ZNF233: variants seen among roughly 807,000 people sequenced by gnomAD.
The protein encoded by ZNF233 is zinc finger protein 233.
ZNF233 carries 7 observed loss-of-function variants against 11.6 expected under a neutral mutation model. The ratio of observed to expected loss-of-function variants is 0.60; its 90% confidence interval spans 0.34 to 1.13. ZNF233 has a LOEUF of 1.13. ZNF233 is among the 50% of genes most tolerant of loss of function. The pLI is 0.03. For synonymous variants in ZNF233, 226 were observed against 268.5 expected, an observed-to-expected ratio of 0.84 and a Z score of 1.55; for missense variants, 711 against 785.5, an observed-to-expected ratio of 0.91 and a Z score of 1.13.
chr19:44,269,680 C>T (rs1033333234), intron 4 of ZNF233, among the ~76,000 whole-genome samples: 3 of 151,958 alleles, frequency 2.0e-5, no homozygotes, highest in African/African-American at 7.3e-5. Context: ...TGTATAGCTC[C>T]CTAAATTTTC....
At chr19:44,263,978 G>A (rs1455983346) in intron 1 of ZNF233, among the ~76,000 whole-genome samples, 2 of 152,184 alleles carry the variant, frequency 1.3e-5, no homozygotes, top group Admixed American at 1.3e-4. Context: ...AGGTTAATTA[G>A]CTTAAACAGA....
At chr19:44,267,000 C>A in intron 4 of ZNF233, 39 bp downstream of exon 4, 1 of 1,510,148 alleles carries the variant, frequency 6.6e-7, no homozygotes, top group Non-Finnish European at 9.1e-7. Flanking sequence ...CGGGGTACAG[C>A]CTAGTCCTCT....
Position 44,273,208 on chromosome 19 carries a change from G to A in ZNF233, c.548G>A (p.Trp183Ter), listed in dbSNP as rs144014948. Residue 183 changes from tryptophan (W) to a stop codon, truncating the protein, a stop_gained, in exon 5 of 5, where the codon TGG becomes TAG. Coordinates refer to ENST00000683810, the MANE Select transcript of ZNF233 (RefSeq NM_001207005.2). LOFTEE classifies it low-confidence loss of function (END_TRUNC). ...ELPLRTTWDF[W>*]RKMYLREPQN... Reference sequence around the variant, plus strand: ...CCATTGAGGACCACCTGGGATTTCTGGAGGAAAATGTATCTGAGAGAACCA... The same window carrying A: ...CCATTGAGGACCACCTGGGATTTCTAGAGGAAAATGTATCTGAGAGAACCA... 2,058 of 1,613,734 alleles carry A rather than the reference G, an allele frequency of 1.3e-3. 2 individuals carry two copies. Among genetic ancestry groups the A allele is most frequent in the Non-Finnish European group, 1.6e-3 (1,939 of 1,180,026 alleles).
chr19:44,266,233 C>T lies in ZNF233; in HGVS notation c.51C>T (p.Phe17=), dbSNP rs1975079035. 5.6e-6 allele frequency: 9 copies of T among 1,612,384 alleles called. No homozygotes were observed. In the East Asian group the frequency reaches 2.0e-4, roughly 36 times the overall value. The change falls in exon 3 of 5, where the codon TTC becomes TTT. Residue 17 remains phenylalanine (F), a synonymous_variant. Transcript: ENST00000683810. The part of the protein sequence containing the change: ...MVTFKDVAVV[F]TREELGLLDL... Reference sequence around the variant, plus strand: ...CATTCAAGGATGTGGCTGTGGTCTTCACCAGGGAGGAGCTGGGGTTGCTGG... The same window carrying T: ...CATTCAAGGATGTGGCTGTGGTCTTTACCAGGGAGGAGCTGGGGTTGCTGG...
Position 44,273,847 on chromosome 19 carries a change from G to C in ZNF233, c.1187G>C (p.Arg396Thr). 1 of 1,614,136 alleles carries C rather than the reference G, an allele frequency of 6.2e-7. No individual in the cohort carries two copies. The highest frequency in any genetic ancestry group is 8.5e-7 in the Non-Finnish European group (1 of 1,180,026). Residue 396 changes from arginine (R) to threonine (T), a missense_variant, in exon 5 of 5, where the codon AGA becomes ACA. Coordinates refer to ENST00000683810, the MANE Select transcript of ZNF233 (RefSeq NM_001207005.2). ...DIHCVDSAGERACKCDVYDKG... is the reference protein window; with the variant it reads ...DIHCVDSAGETACKCDVYDKG... The stretch of plus-strand genomic sequence containing the variant: ...CACTGTGTAGACAGTGCTGGAGAGA[G>C]AGCCTGTAAATGTGATGTATATGAT...
At chr19:44,263,736 G>T (rs1409129264) in intron 1 of ZNF233, among the ~76,000 whole-genome samples, 1 of 152,136 alleles carries the variant, frequency 6.6e-6, no homozygotes, top group Non-Finnish European at 1.5e-5. Flanking sequence ...ATAAGATAAA[G>T]CATTGTACAG....
intron 1 of ZNF233, 114 bp downstream of exon 1, chr19:44,260,052 C>T: frequency 2.7e-6 from 1 of 365,098 alleles, no homozygotes; most frequent in East Asian, 9.5e-5. Context: ...GCGGGGACGA[C>T]GGTTTGCTTG....
At chr19:44,263,321 T>C (rs146357716) in intron 1 of ZNF233, among the ~76,000 whole-genome samples, 1 of 152,242 alleles carries the variant, frequency 6.6e-6, no homozygotes, top group Non-Finnish European at 1.5e-5. Context: ...GCCATCACTC[T>C]TTACTATCTC....
chr19:44,269,916 C>T lies in ZNF233; in HGVS notation c.238+2955C>T, dbSNP rs748185728. 9.2e-5 allele frequency among the ~76,000 whole-genome samples: 14 copies of T among 152,148 alleles called. 1 individual carries two copies. Among genetic ancestry groups the T allele is most frequent in the Non-Finnish European group, 2.1e-4 (14 of 68,040 alleles). On this transcript the variant is annotated intron_variant, in intron 4 of 4. Coordinates refer to ENST00000683810, the MANE Select transcript of ZNF233 (RefSeq NM_001207005.2). Reference sequence around the variant, plus strand: ...GTTTCACATTCTGCTTATCCACCTACGTACCCAGCTCCACCTATACAAAAT... The same window carrying T: ...GTTTCACATTCTGCTTATCCACCTATGTACCCAGCTCCACCTATACAAAAT...
Position 44,273,153 on chromosome 19 carries a change from A to G in ZNF233, c.493A>G (p.Ser165Gly). Residue 165 changes from serine to glycine, a missense_variant, in exon 5 of 5, where the codon AGT becomes GGT. Coordinates refer to ENST00000683810, the MANE Select transcript of ZNF233 (RefSeq NM_001207005.2). Reference protein sequence around the residue: ...ENYVIKLQGESSNSIKNQELP... With the variant: ...ENYVIKLQGEGSNSIKNQELP... The stretch of plus-strand genomic sequence containing the variant: ...CTATGTAATAAAGCTACAAGGGGAG[A>G]GTTCAAATAGCATAAAAAATCAAGA... 1 of 1,613,952 alleles carries G rather than the reference A, an allele frequency of 6.2e-7. No homozygotes were observed. The highest frequency in any genetic ancestry group is 8.5e-7 in the Non-Finnish European group (1 of 1,180,026).
chr19:44,274,095 C>A lies in ZNF233; in HGVS notation c.1435C>A (p.Pro479Thr), dbSNP rs1326235967. ...TCAGAGAATCCACACTGGAGAGAAACCCTACAAATGTGATGTGTGTGATAA... is the reference window on the plus strand; with the variant it reads ...TCAGAGAATCCACACTGGAGAGAAAACCTACAAATGTGATGTGTGTGATAA... Reference protein sequence around the residue: ...AHQRIHTGEKPYKCDVCDKNF... With the variant: ...AHQRIHTGEKTYKCDVCDKNF... The change falls in exon 5 of 5, where the codon CCC (proline) becomes ACC (threonine). Residue 479 changes from proline to threonine, a missense_variant. Physicochemically the swap from Pro to Thr is conservative, Grantham distance 38 (BLOSUM62 -1). Coordinates refer to ENST00000683810, the MANE Select transcript of ZNF233 (RefSeq NM_001207005.2). 5.0e-6 allele frequency: 8 copies of A among 1,613,642 alleles called. No homozygotes were observed. Among genetic ancestry groups the A allele is most frequent in the Middle Eastern group, 1.6e-4 (1 of 6,080 alleles).
At chr19:44,266,519 A>G (rs911095741) in intron 3 of ZNF233, among the ~76,000 whole-genome samples, 195 bp downstream of exon 3, 1 of 152,188 alleles carries the variant, frequency 6.6e-6, no homozygotes, top group African/African-American at 2.4e-5. Flanking sequence ...GGGTTTTGAA[A>G]TCAGTTGGTG....
intron 1 of ZNF233, among the ~76,000 whole-genome samples, chr19:44,262,394 G>GA (rs759950131): frequency 2.9e-4 from 44 of 152,216 alleles, no homozygotes; most frequent in Non-Finnish European, 5.7e-4. Context: ...ACAAAGTCTG[G>GA]AAATTCAGGC....
At position 44,274,465 on chromosome 19, in the gene ZNF233, T is replaced by A. The variant is rs1404454283; in HGVS notation, c.1805T>A (p.Ile602Asn). 6.2e-7 allele frequency: 1 copy of A among 1,613,466 alleles called. No homozygotes were observed. The highest frequency in any genetic ancestry group is 2.2e-5 in the East Asian group (1 of 44,834). The change falls in exon 5 of 5, where the codon ATC becomes AAC. Residue 602 changes from isoleucine to asparagine, a missense_variant. Physicochemically the swap from Ile to Asn is moderately radical, Grantham distance 149 (BLOSUM62 -3). Coordinates refer to ENST00000683810, the MANE Select transcript of ZNF233 (RefSeq NM_001207005.2). ...TGTGAAGAATGTAGGAAAGGCTTCA[T>A]CTGGAACTCATATCTTCATGTTCAT... is the stretch of plus-strand genomic sequence containing the variant. The part of the protein sequence containing the change: ...YKCEECRKGF[I>N]WNSYLHVHQR...
intron 4 of ZNF233, among the ~76,000 whole-genome samples, chr19:44,271,404 G>A (rs1677985361): frequency 6.6e-6 from 1 of 152,134 alleles, no homozygotes; most frequent in Non-Finnish European, 1.5e-5. Context: ...CCATTTTTGG[G>A]CTTTATCATA....
intron 1 of ZNF233, among the ~76,000 whole-genome samples, chr19:44,261,455 G>A (rs933068831): frequency 3.3e-5 from 5 of 151,520 alleles, no homozygotes; most frequent in African/African-American, 1.2e-4. Flanking sequence ...GAAAAGAAAT[G>A]GTTTCACAGT....
At chr19:44,266,543 T>C (rs1975089463) in intron 3 of ZNF233, among the ~76,000 whole-genome samples, 1 of 152,210 alleles carries the variant, frequency 6.6e-6, no homozygotes, top group Non-Finnish European at 1.5e-5. Context: ...TACATTATTA[T>C]TGTGTTTAAT....
intron 2 of ZNF233, among the ~76,000 whole-genome samples, chr19:44,265,325 C>T (rs1975042544): frequency 6.7e-6 from 1 of 150,316 alleles, no homozygotes; most frequent in Non-Finnish European, 1.5e-5. Flanking sequence ...GCCATTAATT[C>T]GTTCCTTTTT....
At chr19:44,260,001 A>G (rs919116382) in intron 1 of ZNF233, 63 bp downstream of exon 1, 12 of 439,216 alleles carry the variant, frequency 2.7e-5, no homozygotes, top group African/African-American at 2.0e-4. Flanking sequence ...TTGGACTCGC[A>G]GGTGCCTGCC....
Sources: gnomAD v4.1 joint callset for allele counts (sites outside exome capture counted in the v4.1 genomes callset) on GRCh38, gnomAD v4.1.1 for gene constraint, MANE v1.5 for transcripts, NCBI Gene and HGNC (gene_info 2026-07-23, HGNC 2026-07-21) for gene names.